The following GPC5 variants were observed in gnomAD, a reference collection of about 807,000 sequenced individuals.
GPC5 encodes the protein glypican-5.
GPC5 carries 47 observed loss-of-function variants against 53.9 expected under a neutral mutation model. The ratio of observed to expected loss-of-function variants is 0.87; its 90% CI spans 0.69 to 1.11. GPC5 has a LOEUF of 1.11. Ranked by LOEUF, GPC5 falls within the 50% of genes most tolerant of loss-of-function variation. The probability of loss-of-function intolerance (pLI) is 0.00; values close to 1 mark genes in which losing one functional copy is unlikely to be tolerated. For missense variants in GPC5, 748 were observed against 713.1 expected (o/e 1.05, Z -0.56); for synonymous variants, 286 against 263.3 (o/e 1.09, Z -0.84).
intron 7 of GPC5, among the ~76,000 whole-genome samples, chr13:92,260,592 A>G (rs2042759280): frequency 2.0e-5 from 3 of 152,144 alleles, no homozygotes; most frequent in Admixed American, 2.0e-4. Flanking sequence ...GCTTCTGCTC[A>G]TCTGTCATCC....
chr13:91,870,939 A>G (rs2039137242), intron 5 of GPC5, among the ~76,000 whole-genome samples: 1 of 152,204 alleles, frequency 6.6e-6, no homozygotes, highest in Admixed American at 6.5e-5. Flanking sequence ...AATTTGGAAT[A>G]TTTGCACATA....
At chr13:92,564,237 G>A (rs1882794736) in intron 7 of GPC5, among the ~76,000 whole-genome samples, 1 of 151,890 alleles carries the variant, frequency 6.6e-6, no homozygotes. Context: ...GCAGGTAAAT[G>A]GGACCCAAAG....
At chr13:91,941,003 C>T (rs993892540) in intron 6 of GPC5, among the ~76,000 whole-genome samples, 6 of 151,998 alleles carry the variant, frequency 3.9e-5, no homozygotes, top group African/African-American at 1.4e-4. Flanking sequence ...AATTAGGTCC[C>T]ACTTATTCAT....
chr13:91,930,033 T>TA (rs2039806974), intron 6 of GPC5, among the ~76,000 whole-genome samples: 1 of 152,078 alleles, frequency 6.6e-6, no homozygotes, highest in African/African-American at 2.4e-5. Context: ...AGAATTAATA[T>TA]ACCTTTATAA....
At chr13:92,460,636 A>G (rs1224333779) in intron 7 of GPC5, among the ~76,000 whole-genome samples, 1 of 152,168 alleles carries the variant, frequency 6.6e-6, no homozygotes, top group Non-Finnish European at 1.5e-5. Context: ...CTCACTCTAC[A>G]AATATAGTAG....
intron 7 of GPC5, among the ~76,000 whole-genome samples, chr13:92,506,654 T>C (rs768975717): frequency 6.6e-6 from 1 of 152,088 alleles, no homozygotes; most frequent in Non-Finnish European, 1.5e-5. Flanking sequence ...TTTCTTTTGT[T>C]TTGTGGTCTT....
At chr13:92,317,154 C>T (rs987141939) in intron 7 of GPC5, among the ~76,000 whole-genome samples, 3 of 152,092 alleles carry the variant, frequency 2.0e-5, no homozygotes, top group African/African-American at 7.2e-5. Context: ...GAGCCTTCTC[C>T]AACCCCCAGT....
chr13:92,126,925 C>T lies in GPC5; in HGVS notation c.1402-17905C>T, dbSNP rs185959785. On this transcript the variant is annotated intron_variant, in intron 6 of 7. Coordinates refer to ENST00000377067, the MANE Select transcript of GPC5 (RefSeq NM_004466.6). ...AGAGGAGGCAGTCGTGCTTAGATGG[C>T]TCTGAATTGACAGTTTCCTCCATCA... is the stretch of plus-strand genomic sequence containing the variant. Among the ~76,000 whole-genome samples the T allele has an allele frequency of 9.9e-5, 15 of 152,116 alleles. No homozygotes were observed. The East Asian group carries it at 1.7e-3, about 18-fold the overall frequency.
chr13:91,816,061 G>A (rs1482656607), intron 5 of GPC5, among the ~76,000 whole-genome samples: 1 of 152,066 alleles, frequency 6.6e-6, no homozygotes, highest in Non-Finnish European at 1.5e-5. Context: ...TAAGTGCTGT[G>A]ATCCTCAGAG....
At chr13:92,145,398 A>G (rs1433915258) in intron 7 of GPC5, among the ~76,000 whole-genome samples, 1 of 152,118 alleles carries the variant, frequency 6.6e-6, no homozygotes, top group Non-Finnish European at 1.5e-5. Flanking sequence ...TTGCACTTCT[A>G]TCATAGTCAA....
intron 2 of GPC5, among the ~76,000 whole-genome samples, chr13:91,466,955 G>A (rs1224548340): frequency 6.6e-6 from 1 of 152,082 alleles, no homozygotes; most frequent in Non-Finnish European, 1.5e-5. Context: ...ACCATTTTCA[G>A]GCAGTCCCCG....
At chr13:92,205,271 G>C (rs536883337) in intron 7 of GPC5, among the ~76,000 whole-genome samples, 1 of 152,210 alleles carries the variant, frequency 6.6e-6, no homozygotes, top group Non-Finnish European at 1.5e-5. Flanking sequence ...CATGATCTTG[G>C]AGACCTAGAG....
chr13:91,421,783 A>G (rs1878654117), intron 1 of GPC5, among the ~76,000 whole-genome samples: 1 of 152,206 alleles, frequency 6.6e-6, no homozygotes, highest in Non-Finnish European at 1.5e-5. Flanking sequence ...GCCTGTAGAG[A>G]GGGTGGGCCA....
At chr13:91,942,602 A>G (rs1337155511) in intron 6 of GPC5, among the ~76,000 whole-genome samples, 2 of 152,050 alleles carry the variant, frequency 1.3e-5, no homozygotes, top group Non-Finnish European at 2.9e-5. Flanking sequence ...GAAAATTTCC[A>G]TTTACTTCAG....
chr13:91,615,930 A>T (rs1483146321), intron 2 of GPC5, among the ~76,000 whole-genome samples: 1 of 152,172 alleles, frequency 6.6e-6, no homozygotes, highest in Non-Finnish European at 1.5e-5. Flanking sequence ...CTATATTTTA[A>T]GACAGAATGG....
chr13:92,313,417 C>G (rs1283558031), intron 7 of GPC5, among the ~76,000 whole-genome samples: 1 of 152,196 alleles, frequency 6.6e-6, no homozygotes, highest in African/African-American at 2.4e-5. Flanking sequence ...TACCCAAGGA[C>G]AGGGACCCTT....
At position 91,641,221 on chromosome 13, in the gene GPC5, G is replaced by A. The variant is rs112961609; in HGVS notation, c.326-51966G>A. ...CGGGCGCCTGTAGTCCCAGCTACTC[G>A]GGAGGCTGAGGCAGGAGAATGGCGT... On this transcript the variant is annotated intron_variant, in intron 2 of 7. Coordinates refer to ENST00000377067, the MANE Select transcript of GPC5 (RefSeq NM_004466.6). Among the ~76,000 whole-genome samples, 254 of 151,664 alleles carry A rather than the reference G, an allele frequency of 1.7e-3. 2 individuals are homozygous for A. The highest frequency in any genetic ancestry group is 6.0e-3 in the African/African-American group (246 of 41,344).
At chr13:92,831,804 T>G (rs2138821994) in intron 7 of GPC5, among the ~76,000 whole-genome samples, 1 of 152,330 alleles carries the variant, frequency 6.6e-6, no homozygotes, top group South Asian at 2.1e-4. Flanking sequence ...TTCAGTGGTT[T>G]CTTCCATGTG....
At chr13:92,278,412 A>C (rs1013707104) in intron 7 of GPC5, among the ~76,000 whole-genome samples, 84 of 152,140 alleles carry the variant, frequency 5.5e-4, no homozygotes, top group Non-Finnish European at 2.2e-4. Context: ...CATAGTTGTG[A>C]CTAACAAAAT....
Sources: gnomAD v4.1 joint callset for allele counts (sites outside exome capture counted in the v4.1 genomes callset) on GRCh38, gnomAD v4.1.1 for gene constraint, MANE v1.5 for transcripts, NCBI Gene and HGNC (gene_info 2026-07-23, HGNC 2026-07-21) for gene names.